Variants in ATP10D observed in about 807,000 individuals in gnomAD.
ATP10D encodes phospholipid-transporting ATPase VD.
Under a neutral mutation model 144.8 loss-of-function variants are expected in ATP10D, and 89 were observed. The observed-to-expected ratio is 0.61, with a 90% CI of 0.52 to 0.73. ATP10D has a LOEUF of 0.73. Ranked by LOEUF, ATP10D falls within the 30% of genes least tolerant of loss-of-function variation. The pLI is 0.00. For synonymous variants in ATP10D, 571 were observed against 615.1 expected (o/e 0.93, Z 1.06); for missense variants, 1,603 against 1,714.8 (o/e 0.93, Z 1.15).
chr4:47,586,935 C>A (rs1052598418), intron 21 of ATP10D, 84 bp from the exon 22 acceptor site: 6 of 1,242,882 alleles, frequency 4.8e-6, no homozygotes, highest in African/African-American at 1.5e-5. Context: ...GATGTGTTGT[C>A]TCTTTAATGG....
intron 13 of ATP10D, among the ~76,000 whole-genome samples, chr4:47,560,471 G>A (rs1022553191): frequency 1.3e-5 from 2 of 152,132 alleles, no homozygotes; most frequent in Non-Finnish European, 2.9e-5. Flanking sequence ...GCCTGGGCCA[G>A]AGCGAGACTC....
chr4:47,526,313 C>A (rs111430853), intron 5 of ATP10D, among the ~76,000 whole-genome samples: 1 of 152,168 alleles, frequency 6.6e-6, no homozygotes, highest in Admixed American at 6.5e-5. Context: ...CCATATTAAA[C>A]AAATCAAAAG....
At position 47,557,839 on chromosome 4, in the gene ATP10D, A is replaced by G; in HGVS notation, c.2000A>G (p.Lys667Arg). Reference protein sequence around the residue: ...VSRLPLFSRMKPASPVEEEVS... With the variant: ...VSRLPLFSRMRPASPVEEEVS... ...AGACTCCCTCTCTTTAGTCGAATGA[A>G]ACCAGCTTCACCTGTGGAGGAAGAG... Residue 667 changes from lysine (K) to arginine (R), a missense_variant, in exon 12 of 23, where the codon AAA (lysine) becomes AGA (arginine). Lys to Arg is a conservative substitution (Grantham distance 26). Coordinates refer to ENST00000273859, the MANE Select transcript of ATP10D (RefSeq NM_020453.4). The G allele has an allele frequency of 6.2e-7, 1 of 1,614,206 alleles. No individual in the cohort carries two copies. The highest frequency in any genetic ancestry group is 8.5e-7 in the Non-Finnish European group (1 of 1,180,044).
intron 10 of ATP10D, among the ~76,000 whole-genome samples, chr4:47,554,444 A>C (rs2109443524): frequency 6.6e-6 from 1 of 152,282 alleles, no homozygotes; most frequent in South Asian, 2.1e-4. Flanking sequence ...ATGAGAAAAC[A>C]CTCAACTAGA....
chr4:47,588,844 G>A (rs1720903499), intron 22 of ATP10D, among the ~76,000 whole-genome samples: 1 of 152,070 alleles, frequency 6.6e-6, no homozygotes, highest in African/African-American at 2.4e-5. Flanking sequence ...TAAAAATTCT[G>A]GGCCTTTAAC....
At chr4:47,585,305 A>G (rs1198493940) in intron 21 of ATP10D, among the ~76,000 whole-genome samples, 1 of 151,526 alleles carries the variant, frequency 6.6e-6, no homozygotes, top group Non-Finnish European at 1.5e-5. Flanking sequence ...ATACATTTAA[A>G]GTAGGCATAT....
chr4:47,589,768 C>G (rs1158484658), intron 22 of ATP10D, among the ~76,000 whole-genome samples: 1 of 151,976 alleles, frequency 6.6e-6, no homozygotes, highest in African/African-American at 2.4e-5. Context: ...TACCATTAAC[C>G]AGATTAAAGA....
chr4:47,587,280 T>G, intron 22 of ATP10D, 74 bp downstream of exon 22: 1 of 1,370,974 alleles, frequency 7.3e-7, no homozygotes, highest in East Asian at 2.3e-5. Context: ...ACTACACTAC[T>G]ACGAATGGTT....
intron 19 of ATP10D, among the ~76,000 whole-genome samples, chr4:47,577,793 A>G (rs1197957504): frequency 2.0e-5 from 3 of 151,708 alleles, no homozygotes; most frequent in Admixed American, 6.6e-5. Flanking sequence ...ATATCATCCA[A>G]TCCATTCAGA....
intron 21 of ATP10D, among the ~76,000 whole-genome samples, chr4:47,586,074 T>C (rs994234795): frequency 1.1e-4 from 16 of 152,240 alleles, no homozygotes; most frequent in Admixed American, 2.6e-4. Flanking sequence ...ACCTCCAAAC[T>C]GTTCTCCATA....
intron 21 of ATP10D, among the ~76,000 whole-genome samples, chr4:47,586,605 AT>A (rs1419395422): frequency 1.3e-5 from 2 of 152,218 alleles, no homozygotes; most frequent in African/African-American, 4.8e-5. Flanking sequence ...GAATGACAGT[AT>A]TCGTGATCAA....
At chr4:47,558,559 A>G (rs1719116453) in intron 12 of ATP10D, among the ~76,000 whole-genome samples, 1 of 152,230 alleles carries the variant, frequency 6.6e-6, no homozygotes, top group South Asian at 2.1e-4. Flanking sequence ...CCTCCTTTAT[A>G]GGTTCCTGAA....
At chr4:47,558,455 T>C (rs1254562109) in intron 12 of ATP10D, among the ~76,000 whole-genome samples, 182 bp downstream of exon 12, 1 of 152,248 alleles carries the variant, frequency 6.6e-6, no homozygotes, top group Non-Finnish European at 1.5e-5. Flanking sequence ...TACCCAGATC[T>C]GAGTTCAAAT....
At chr4:47,590,014 T>G (rs1049133796) in intron 22 of ATP10D, among the ~76,000 whole-genome samples, 19 of 152,130 alleles carry the variant, frequency 1.2e-4, no homozygotes, top group Admixed American at 9.2e-4. Context: ...TATATCATCA[T>G]ACACAGAAAG....
intron 1 of ATP10D, among the ~76,000 whole-genome samples, chr4:47,488,529 T>G (rs1714889181): frequency 6.8e-6 from 1 of 146,750 alleles, no homozygotes; most frequent in Non-Finnish European, 1.5e-5. Flanking sequence ...TTTTTCCTAA[T>G]ATTCCAAAAT....
At position 47,563,592 on chromosome 4, in the gene ATP10D, A is replaced by G. The variant is rs984988802; in HGVS notation, c.2680A>G (p.Ile894Val). 5.6e-6 allele frequency: 9 copies of G among 1,606,068 alleles called. No individual in the cohort carries two copies. The highest frequency in any genetic ancestry group is 7.6e-6 in the Non-Finnish European group (9 of 1,177,720). The change falls in exon 15 of 23, where the codon ATT becomes GTT. Residue 894 changes from isoleucine (I) to valine (V), a missense_variant. Physicochemically the swap from Ile to Val is conservative, Grantham distance 29. Coordinates refer to ENST00000273859, the MANE Select transcript of ATP10D (RefSeq NM_020453.4). Reference protein sequence around the residue: ...NKLTLLGATGIEDRLQEGVPE... With the variant: ...NKLTLLGATGVEDRLQEGVPE... ...TGGTTATTTTTTAGGTGCTACTGGCATTGAAGACCGTCTGCAGGAGGGAGT... is the reference window on the plus strand; with the variant it reads ...TGGTTATTTTTTAGGTGCTACTGGCGTTGAAGACCGTCTGCAGGAGGGAGT...
chr4:47,499,275 T>C (rs2109388163), intron 1 of ATP10D, among the ~76,000 whole-genome samples: 1 of 152,310 alleles, frequency 6.6e-6, no homozygotes, highest in African/African-American at 2.4e-5. Context: ...TTGGTTTCAA[T>C]GCCTGGAAAA....
rs752397590 is a variant in ATP10D at position 47,546,653 on chromosome 4, G to A, written c.1426G>A (p.Val476Ile). The change falls in exon 10 of 23, where the codon GTC becomes ATC. Residue 476 changes from valine to isoleucine, a missense_variant. Coordinates refer to ENST00000273859, the MANE Select transcript of ATP10D (RefSeq NM_020453.4). ...GAGGTTGGAGTCCTATCAGGAAGCT[G>A]TCTCTGAAGATGAAGATTTTATAGA... is the stretch of plus-strand genomic sequence containing the variant. ...ARRLESYQEA[V>I]SEDEDFIDTV... is the part of the protein sequence containing the mutation. 2 of 1,614,094 alleles carry A rather than the reference G, an allele frequency of 1.2e-6. No homozygotes were observed. The highest frequency in any genetic ancestry group is 1.1e-5 in the South Asian group (1 of 91,070).
In ATP10D at chr4:47,515,484, A is replaced by G; in HGVS notation, c.299A>G (p.Asn100Ser). The G allele has an allele frequency of 6.2e-7, 1 of 1,610,380 alleles. No homozygotes were observed. The highest frequency in any genetic ancestry group is 8.5e-7 in the Non-Finnish European group (1 of 1,178,192). ...GTGTGTTTGGGTTGCAGAGCTGCCA[A>G]TTTATATTTCCTGTTCCTAGTTGTC... is the stretch of plus-strand genomic sequence containing the variant. The part of the protein sequence containing the change: ...NLFEQFHRAA[N>S]LYFLFLVVLN... The change falls in exon 3 of 23, where the codon AAT becomes AGT. Residue 100 changes from asparagine to serine, a missense_variant. Asn to Ser is a conservative substitution (Grantham distance 46). Transcript: ENST00000273859.
Sources: gnomAD v4.1 joint callset for allele counts (sites outside exome capture counted in the v4.1 genomes callset) on GRCh38, gnomAD v4.1.1 for gene constraint, MANE v1.5 for transcripts, NCBI Gene and HGNC (gene_info 2026-07-23, HGNC 2026-07-21) for gene names.